CARD10: variants seen among roughly 807,000 people sequenced by gnomAD.
The protein encoded by CARD10 is caspase recruitment domain family member 10, also known as caspase recruitment domain-containing protein 10.
In CARD10, 49 loss-of-function variants were observed where a neutral mutation model predicts 114.6. The ratio of observed to expected loss-of-function variants is 0.43; its 90% CI spans 0.34 to 0.54. The LOEUF (loss-of-function observed/expected upper bound fraction) is 0.54. CARD10 is among the 20% of genes least tolerant of loss of function. CARD10 has a pLI of 0.03. For missense variants in CARD10, 1,206 were observed against 1,397.2 expected, an observed-to-expected ratio of 0.86 and a Z score of 2.18; for synonymous variants, 602 against 593.2, an observed-to-expected ratio of 1.01 and a Z score of -0.21.
intron 11 of CARD10, among the ~76,000 whole-genome samples, 198 bp downstream of exon 11, chr22:37,502,404 A>G (rs2235331): frequency 0.28 from 43,029 of 152,180 alleles, 6,372 homozygotes; most frequent in East Asian, 0.44. Context: ...GGCCCAGAGA[A>G]GTGAAGGGAC....
rs971892365 is a variant in CARD10, at chr22:37,519,303, C to A, written c.-103G>T. ...GCACCCCCGGGGCGTCGTCCGCAGA[C>A]CCGCCGTCGGGGGCGCGCCCCGAGC... On this transcript the variant is annotated 5_prime_UTR_variant, in exon 1 of 20. Coordinates refer to ENST00000251973, the MANE Select transcript of CARD10 (RefSeq NM_014550.4). This position sits in a 1 kb window ranked among gnomAD's most constrained non-coding sequence, Gnocchi z 4.1. 4.5e-6 allele frequency: 6 copies of A among 1,344,778 alleles called. No individual in the cohort carries two copies. Among genetic ancestry groups the A allele is most frequent in the Non-Finnish European group, 5.7e-6 (6 of 1,051,454 alleles). 83.3% of individuals were successfully genotyped at this position (1,344,778 alleles called of 1,614,324 possible).
rs1923192982 is a variant in CARD10 at position 37,501,022 on chromosome 22, C to A, written c.1787+1580G>T. Among the ~76,000 whole-genome samples the A allele has an allele frequency of 6.6e-6, 1 of 152,104 alleles. No homozygotes were observed. Among genetic ancestry groups the A allele is most frequent in the South Asian group, 2.1e-4 (1 of 4,824 alleles). On this transcript the variant is annotated intron_variant, in intron 11 of 19. Coordinates refer to ENST00000251973, the MANE Select transcript of CARD10 (RefSeq NM_014550.4). This position sits in a 1 kb window ranked among gnomAD's most constrained non-coding sequence, Gnocchi z 5.4. ...ACAGTAGCAAGTGCTGACACCAAAG[C>A]CAGCTCTTCCCACCTCGCCATAACA...
At position 37,492,099 on chromosome 22, in the gene CARD10, G is replaced by A. The variant is rs919773798; in HGVS notation, c.2752-232C>T. Among the ~76,000 whole-genome samples, 5 of 151,736 alleles carry A rather than the reference G, an allele frequency of 3.3e-5. No individual in the cohort carries two copies. The highest frequency in any genetic ancestry group is 4.8e-5 in the African/African-American group (2 of 41,252). On this transcript the variant is annotated intron_variant, in intron 18 of 19. Transcript: ENST00000251973. This position sits in a 1 kb window ranked among gnomAD's most constrained non-coding sequence, Gnocchi z 5.7. Reference sequence around the variant, plus strand: ...CCTCAGGACCTAGGCCTCCCCACCCGGAGGATGGAGCTGACCCAAACCCAC... The same window carrying A: ...CCTCAGGACCTAGGCCTCCCCACCCAGAGGATGGAGCTGACCCAAACCCAC...
Position 37,502,661 on chromosome 22 carries a change from C to G in CARD10, c.1728G>C (p.Trp576Cys). ...GGAGGCCTTCCGGCTTTCCCAAAGG[C>G]CACACGCTGTCAGAGGATGAGGACG... ...LSSSSSSDSVWPLGKPEGLLA... is the reference protein window; with the variant it reads ...LSSSSSSDSVCPLGKPEGLLA... The change falls in exon 11 of 20, where the codon TGG becomes TGC. Residue 576 changes from tryptophan to cysteine, a missense_variant. Trp to Cys is a radical substitution (Grantham distance 215). Coordinates refer to ENST00000251973, the MANE Select transcript of CARD10 (RefSeq NM_014550.4). 1 of 1,613,966 alleles carries G rather than the reference C, an allele frequency of 6.2e-7. No homozygotes were observed. The highest frequency in any genetic ancestry group is 8.5e-7 in the Non-Finnish European group (1 of 1,179,978).
intron 4 of CARD10, among the ~76,000 whole-genome samples, 160 bp from the exon 5 acceptor site, chr22:37,508,842 T>A (rs917773018): frequency 2.0e-5 from 3 of 152,138 alleles, no homozygotes; most frequent in Non-Finnish European, 4.4e-5. Context: ...TGTCTCCCCA[T>A]CGGCAGAGTG....
At chr22:37,505,200 A>T (rs998639053) in intron 7 of CARD10, among the ~76,000 whole-genome samples, 2 of 152,018 alleles carry the variant, frequency 1.3e-5, no homozygotes, top group Non-Finnish European at 2.9e-5. Context: ...GGACAAGAGG[A>T]ACCCCACCCG....
rs771075851 is a variant in CARD10 at position 37,516,122 on chromosome 22, G to T, written c.550C>A (p.Arg184Ser). The T allele has an allele frequency of 3.5e-5, 56 of 1,595,958 alleles. No individual in the cohort carries two copies. Among genetic ancestry groups the T allele is most frequent in the Non-Finnish European group, 4.4e-5 (52 of 1,171,886 alleles). ...RLRDQQQAQE[R>S]CQRLREDWEA... The stretch of plus-strand genomic sequence containing the variant: ...CAGTCCTCCCGCAGCCGTTGACAGC[G>T]CTCCTGAGCCTGCTGCTGGTCCCGC... The change falls in exon 3 of 20, where the codon CGC (arginine) becomes AGC (serine). Residue 184 changes from arginine (R) to serine (S), a missense_variant. Around this residue, in one of 2 missense-constraint regions of CARD10, gnomAD observed 1,068 missense variants for 1,179.1 expected, o/e 0.91. Transcript: ENST00000251973.
At position 37,496,634 on chromosome 22, in the gene CARD10, AC is replaced by A; in HGVS notation, c.1948-75del. 1 of 1,073,746 alleles carries A rather than the reference AC, an allele frequency of 9.3e-7. No individual in the cohort carries two copies. The highest frequency in any genetic ancestry group is 1.4e-6 in the Non-Finnish European group (1 of 714,440). 66.5% of individuals were successfully genotyped at this position (1,073,746 alleles called of 1,614,324 possible). On this transcript the variant is annotated intron_variant, in intron 12 of 19. Transcript: ENST00000251973. The surrounding 1 kb of genome is among the most constrained non-coding windows in gnomAD (Gnocchi z 4.1). ...AGAGCAGCCCAGGGGCTGGAGGAAGACCAGGTGTGGGGGTGTTTCATGCCTC... is the reference window on the plus strand; with the variant it reads ...AGAGCAGCCCAGGGGCTGGAGGAAGACAGGTGTGGGGGTGTTTCATGCCTC...
intron 5 of CARD10, 119 bp downstream of exon 5, chr22:37,508,408 A>AT: frequency 1.8e-6 from 2 of 1,133,098 alleles, no homozygotes. Context: ...ATCTGAGAAC[A>AT]AATGAATGCA....
At chr22:37,505,752 G>A (rs1923383636) in intron 7 of CARD10, among the ~76,000 whole-genome samples, 1 of 152,106 alleles carries the variant, frequency 6.6e-6, no homozygotes, top group Non-Finnish European at 1.5e-5. Flanking sequence ...TGTGGCCTTG[G>A]GCAAGCCCCT....
chr22:37,499,078 C>T (rs1256787953), intron 11 of CARD10, among the ~76,000 whole-genome samples: 3 of 152,072 alleles, frequency 2.0e-5, no homozygotes, highest in Admixed American at 6.5e-5. Flanking sequence ...TCCCCCACCC[C>T]GCTCCCGCCA....
rs760193849 is a variant in CARD10, at chr22:37,516,284, C to G, written c.388G>C (p.Glu130Gln). The G allele has an allele frequency of 3.9e-5, 62 of 1,592,656 alleles. No individual in the cohort carries two copies. The highest frequency in any genetic ancestry group is 1.7e-6 in the Non-Finnish European group (2 of 1,169,328). The part of the protein sequence containing the change: ...CSMILDEEGP[E>Q]GLTQFLMTEV... The stretch of plus-strand genomic sequence containing the variant: ...GTCATCAAGAATTGGGTCAGGCCCT[C>G]AGGCCCCTCCTCATCTGCCAGGACA... Residue 130 changes from glutamate to glutamine, a missense_variant, in exon 3 of 20, where the codon GAG becomes CAG. This residue lies in a region of CARD10 where 138 missense variants were observed against 218.0 expected (regional missense o/e 0.63). Coordinates refer to ENST00000251973, the MANE Select transcript of CARD10 (RefSeq NM_014550.4).
intron 6 of CARD10, 128 bp downstream of exon 6, chr22:37,507,701 C>T (rs1923459767): frequency 4.2e-6 from 5 of 1,187,166 alleles, no homozygotes; most frequent in Admixed American, 3.9e-5. Flanking sequence ...CTTTGTGCCC[C>T]GTCCTAACCC....
Position 37,508,549 on chromosome 22 carries a change from C to A in CARD10, c.1043G>T (p.Trp348Leu). The A allele has an allele frequency of 6.3e-7, 1 of 1,597,438 alleles. No individual in the cohort carries two copies. Residue 348 changes from tryptophan to leucine, a missense_variant, in exon 5 of 20, where the codon TGG (tryptophan) becomes TTG (leucine). This residue lies in a region of CARD10 where 1,068 missense variants were observed against 1,179.1 expected (regional missense o/e 0.91). Transcript: ENST00000251973. ...CACCTGGTCGCGCAGCTCCTCGGCCCACTGCAGCTCCCCCTGCACGGCATG... is the reference window on the plus strand; with the variant it reads ...CACCTGGTCGCGCAGCTCCTCGGCCAACTGCAGCTCCCCCTGCACGGCATG... ...KLHAVQGELQ[W>L]AEELRDQYLQ...
In CARD10 at chr22:37,497,075, C is replaced by T. The variant is rs778261834; in HGVS notation, c.1891G>A (p.Ala631Thr). ...LSFYGDRWSG[A>T]VVRRVLSGPG... Reference sequence around the variant, plus strand: ...CCAGACAGCACCCTGCGCACCACAGCCCCAGACCATCTGTCCCCATAAAAC... The same window carrying T: ...CCAGACAGCACCCTGCGCACCACAGTCCCAGACCATCTGTCCCCATAAAAC... The change falls in exon 12 of 20, where the codon GCT becomes ACT. Residue 631 changes from alanine (A) to threonine (T), a missense_variant. Physicochemically the swap from Ala to Thr is moderately conservative, Grantham distance 58 (BLOSUM62 0). Coordinates refer to ENST00000251973, the MANE Select transcript of CARD10 (RefSeq NM_014550.4). 6.8e-6 allele frequency: 11 copies of T among 1,614,036 alleles called. No individual in the cohort carries two copies. The highest frequency in any genetic ancestry group is 2.7e-5 in the African/African-American group (2 of 74,950).
Position 37,491,247 on chromosome 22 carries a change from A to G in CARD10, c.3011T>C (p.Val1004Ala), listed in dbSNP as rs752155631. 6.4e-7 allele frequency: 1 copy of G among 1,566,892 alleles called. No individual in the cohort carries two copies. The highest frequency in any genetic ancestry group is 8.6e-7 in the Non-Finnish European group (1 of 1,161,302). The stretch of plus-strand genomic sequence containing the variant: ...CTGCTCCTGCAGGATGCGGCCGCGC[A>G]CCACCTTGGCCAGCTCCTCTGCGTG... ...WGHAEELAKV[V>A]RGRILQEQAR... The change falls in exon 20 of 20, where the codon GTG becomes GCG. Residue 1004 changes from valine to alanine, a missense_variant. Val to Ala is a moderately conservative substitution (Grantham distance 64). Transcript: ENST00000251973.
intron 11 of CARD10, among the ~76,000 whole-genome samples, chr22:37,500,068 G>C (rs1923157156): frequency 6.6e-6 from 1 of 152,200 alleles, no homozygotes; most frequent in Admixed American, 6.5e-5. Flanking sequence ...GGGCCCCGTG[G>C]GAAGATATCT....
chr22:37,500,755 T>C (rs1923183990), intron 11 of CARD10, among the ~76,000 whole-genome samples: 1 of 152,214 alleles, frequency 6.6e-6, no homozygotes, highest in Non-Finnish European at 1.5e-5. Flanking sequence ...TTCAGTGTCC[T>C]GGTCTGTGTA....
rs375580111 is a variant in CARD10, at chr22:37,492,820, C to T, written c.2477-18G>A. On this transcript the variant is annotated intron_variant, in intron 16 of 19. Coordinates refer to ENST00000251973, the MANE Select transcript of CARD10 (RefSeq NM_014550.4). The surrounding 1 kb of genome is among the most constrained non-coding windows in gnomAD (Gnocchi z 5.7). Reference sequence around the variant, plus strand: ...CTCCGGCTCTGTGGCAGGGGAGGGGCGCAAAAGAGATAAGGGCACAGGCAG... The same window carrying T: ...CTCCGGCTCTGTGGCAGGGGAGGGGTGCAAAAGAGATAAGGGCACAGGCAG... The T allele has an allele frequency of 1.2e-5, 20 of 1,605,914 alleles. No homozygotes were observed. Among genetic ancestry groups the T allele is most frequent in the South Asian group, 4.4e-5 (4 of 90,824 alleles).
Sources: allele counts gnomAD v4.1 joint callset (sites outside exome capture counted in the v4.1 genomes callset), GRCh38; gene constraint gnomAD v4.1.1; regional missense constraint gnomAD v4.1.1; non-coding constraint Gnocchi (gnomAD v3.1); transcripts MANE v1.5; gene names NCBI Gene and HGNC (gene_info 2026-07-23, HGNC 2026-07-21).